TENM2: variants seen among roughly 807,000 people sequenced by gnomAD.
TENM2 encodes the protein teneurin-2.
TENM2 carries 52 observed loss-of-function variants against 245.2 expected under a neutral mutation model. The ratio of observed to expected loss-of-function variants is 0.21; its 90% CI spans 0.17 to 0.27. The LOEUF (loss-of-function observed/expected upper bound fraction) is 0.27. Ranked by LOEUF, TENM2 falls within the 10% of genes least tolerant of loss-of-function variation. TENM2 has a pLI of 1.00. For missense variants in TENM2, 3,046 were observed against 3,666.8 expected (o/e 0.83, Z 4.37); for synonymous variants, 1,363 against 1,438.9 (o/e 0.95, Z 1.19).
At chr5:167,295,764 C>G (rs1225870462) in intron 1 of TENM2, among the ~76,000 whole-genome samples, 1 of 152,130 alleles carries the variant, frequency 6.6e-6, no homozygotes, top group Non-Finnish European at 1.5e-5. Flanking sequence ...AATTGGCATG[C>G]ACATCTCACA....
At chr5:167,744,729 A>T (rs1196614403) in intron 2 of TENM2, among the ~76,000 whole-genome samples, 1 of 152,100 alleles carries the variant, frequency 6.6e-6, no homozygotes, top group Admixed American at 6.6e-5. Flanking sequence ...TCTGCAGCTG[A>T]TAGCTTTGGG....
the TENM2 span, among the ~76,000 whole-genome samples, chr5:167,089,572 G>A: frequency 6.6e-6 from 1 of 151,932 alleles, no homozygotes; most frequent in Admixed American, 6.6e-5. Context: ...ATTTAAAACT[G>A]GATTTTTTTT....
intron 21 of TENM2, 81 bp from the exon 24 acceptor site, chr5:168,216,687 G>A: frequency 7.2e-7 from 1 of 1,384,094 alleles, no homozygotes; most frequent in Non-Finnish European, 1.0e-6. Context: ...AGAGTGCTCA[G>A]CAAGGCATCT....
Position 167,427,932 on chromosome 5 carries a change from G to GAAGGAAGGGAAGGAAGGAAGGACGGA in TENM2, c.502+52481_502+52482insCGGAAAGGAAGGGAAGGAAGGAAGGA, listed in dbSNP as rs1763976315. On this transcript the variant is annotated intron_variant, in intron 2 of 28. Coordinates refer to ENST00000518659, the Ensembl canonical transcript of TENM2. Reference sequence around the variant, plus strand: ...AAGGAAGGGAAGGAAGGAAGGACGGGAAGGAAGGGAAGGAAGGAAGGAAGG... The same window carrying GAAGGAAGGGAAGGAAGGAAGGACGGA: ...AAGGAAGGGAAGGAAGGAAGGACGGGAAGGAAGGGAAGGAAGGAAGGACGGAAAGGAAGGGAAGGAAGGAAGGAAGG... Among the ~76,000 whole-genome samples the GAAGGAAGGGAAGGAAGGAAGGACGGA allele has an allele frequency of 1.6e-5, 2 of 128,426 alleles. 1 individual carries two copies. Among genetic ancestry groups the GAAGGAAGGGAAGGAAGGAAGGACGGA allele is most frequent in the Non-Finnish European group, 3.4e-5 (2 of 58,158 alleles). The allele number at this position is 128,426 out of a possible 152,430, so 84.3% of individuals were successfully genotyped here.
At chr5:167,897,367 A>T (rs1465905831) in intron 3 of TENM2, among the ~76,000 whole-genome samples, 1 of 152,002 alleles carries the variant, frequency 6.6e-6, no homozygotes, top group Non-Finnish European at 1.5e-5. Context: ...CAATCAAGAC[A>T]GCCCTGGTAA....
At chr5:167,853,768 T>C (rs971006519) in intron 2 of TENM2, among the ~76,000 whole-genome samples, 1 of 152,244 alleles carries the variant, frequency 6.6e-6, no homozygotes, top group Non-Finnish European at 1.5e-5. Flanking sequence ...ACTGAAGTTG[T>C]ATATTCATGG....
At chr5:168,118,070 C>G (rs2569049) in intron 9 of TENM2, among the ~76,000 whole-genome samples, 1 of 152,160 alleles carries the variant, frequency 6.6e-6, no homozygotes, top group African/African-American at 2.4e-5. Flanking sequence ...CTTTCTATAC[C>G]GTGCCCAGCA....
At chr5:167,897,455 A>C (rs1212522157) in intron 3 of TENM2, among the ~76,000 whole-genome samples, 1 of 152,236 alleles carries the variant, frequency 6.6e-6, no homozygotes, top group Non-Finnish European at 1.5e-5. Context: ...GTAGGAAAAA[A>C]TCAGGTCTTA....
chr5:167,396,756 T>C (rs931628918), intron 2 of TENM2, among the ~76,000 whole-genome samples: 2 of 152,094 alleles, frequency 1.3e-5, no homozygotes, highest in Non-Finnish European at 2.9e-5. Context: ...GAAATGAGCA[T>C]TTGGAGAAAT....
At chr5:167,660,509 T>C (rs1169823699) in intron 2 of TENM2, 1 of 144,982 alleles carries the variant, frequency 6.9e-6, no homozygotes, top group Non-Finnish European at 1.5e-5. Flanking sequence ...ACACCAAAAT[T>C]AAATGTGGTG....
chr5:167,071,885 C>A, the TENM2 span, among the ~76,000 whole-genome samples: 796 of 144,284 alleles, frequency 5.5e-3, 10 homozygotes, highest in African/African-American at 0.018. Flanking sequence ...ATCGCCCCCC[C>A]CCGCCCCCAA....
chr5:168,183,740 C>T (rs1426785060), intron 13 of TENM2, among the ~76,000 whole-genome samples: 4 of 152,138 alleles, frequency 2.6e-5, no homozygotes, highest in African/African-American at 4.8e-5. Flanking sequence ...GGGTTCACCA[C>T]CTGACTACCC....
At chr5:167,240,323 T>C in the TENM2 span, among the ~76,000 whole-genome samples, 312 of 152,186 alleles carry the variant, frequency 2.1e-3, 2 homozygotes, top group African/African-American at 7.3e-3. Context: ...ACCATTTCTT[T>C]AGAGATAATA....
At chr5:167,994,702 G>A (rs1270126391) in intron 5 of TENM2, among the ~76,000 whole-genome samples, 2 of 152,156 alleles carry the variant, frequency 1.3e-5, no homozygotes, top group African/African-American at 4.8e-5. Context: ...TGTTCATCTG[G>A]GGCTTTGCAG....
At chr5:167,610,300 C>T (rs1398110530) in intron 2 of TENM2, among the ~76,000 whole-genome samples, 1 of 152,084 alleles carries the variant, frequency 6.6e-6, no homozygotes, top group East Asian at 1.9e-4. Context: ...CCTAGTCCTT[C>T]TGAGTTTTGT....
At chr5:167,588,402 G>A (rs1413178055) in intron 2 of TENM2, among the ~76,000 whole-genome samples, 1 of 152,176 alleles carries the variant, frequency 6.6e-6, no homozygotes, top group Admixed American at 6.5e-5. Flanking sequence ...CACAGACTGT[G>A]AGAGCATTTC....
At chr5:167,917,521 G>A (rs1373391422) in intron 3 of TENM2, among the ~76,000 whole-genome samples, 5 of 152,106 alleles carry the variant, frequency 3.3e-5, no homozygotes, top group Admixed American at 1.3e-4. Flanking sequence ...GCAAGGGTAC[G>A]TAATGACAGC....
intron 2 of TENM2, among the ~76,000 whole-genome samples, chr5:167,628,502 T>A (rs1022673582): frequency 2.0e-5 from 3 of 152,190 alleles, no homozygotes; most frequent in African/African-American, 7.2e-5. Context: ...CTTACTGTGA[T>A]AGTGTTCTAC....
chr5:167,528,480 C>T (rs1265456501), intron 2 of TENM2, among the ~76,000 whole-genome samples: 1 of 152,064 alleles, frequency 6.6e-6, no homozygotes, highest in East Asian at 1.9e-4. Flanking sequence ...CATCTTTAAA[C>T]TTGACATATA....
Sources: allele counts gnomAD v4.1 joint callset (sites outside exome capture counted in the v4.1 genomes callset), GRCh38; gene constraint gnomAD v4.1.1; transcripts MANE v1.5; gene names NCBI Gene and HGNC (gene_info 2026-07-23, HGNC 2026-07-21).